The following MTPAP variants were observed in gnomAD, a reference collection of about 807,000 sequenced individuals.
The protein encoded by MTPAP is mitochondrial poly(A) polymerase.
In MTPAP, 23 loss-of-function variants were observed where a neutral mutation model predicts 48.7. The ratio of observed to expected loss-of-function variants is 0.47; its 90% CI spans 0.34 to 0.67. MTPAP has a LOEUF of 0.67. Ranked by LOEUF, MTPAP falls within the 30% of genes least tolerant of loss-of-function variation. The pLI, the probability that MTPAP is intolerant of heterozygous loss-of-function variation, is 0.01. For missense variants in MTPAP, 614 were observed against 694.3 expected, an observed-to-expected ratio of 0.88 and a Z score of 1.30; for synonymous variants, 257 against 254.1, an observed-to-expected ratio of 1.01 and a Z score of -0.11.
intron 1 of MTPAP, among the ~76,000 whole-genome samples, chr10:30,347,654 G>A (rs984482258): frequency 1.3e-5 from 2 of 152,230 alleles, no homozygotes; most frequent in Non-Finnish European, 2.9e-5. Flanking sequence ...CACTTTGGGA[G>A]GCCAAGGCAG....
intron 6 of MTPAP, 28 bp from the exon 7 acceptor site, chr10:30,316,238 G>A (rs367683233): frequency 9.1e-5 from 140 of 1,544,598 alleles, no homozygotes; most frequent in Non-Finnish European, 1.2e-4. Context: ...AATATTTCAC[G>A]TGTTTTTTTT....
At chr10:30,319,926 T>G (rs1279332761) in intron 6 of MTPAP, among the ~76,000 whole-genome samples, 1 of 152,204 alleles carries the variant, frequency 6.6e-6, no homozygotes, top group Non-Finnish European at 1.5e-5. Flanking sequence ...GTTTTGCCTG[T>G]TTTGATGCTA....
intron 5 of MTPAP, among the ~76,000 whole-genome samples, chr10:30,325,683 T>C (rs1383166403): frequency 6.6e-6 from 1 of 151,938 alleles, no homozygotes; most frequent in Non-Finnish European, 1.5e-5. Flanking sequence ...GAGGTGGAGG[T>C]TGCAGTGAGC....
chr10:30,338,182 T>A (rs536682326), intron 3 of MTPAP, among the ~76,000 whole-genome samples: 7 of 152,038 alleles, frequency 4.6e-5, no homozygotes, highest in Admixed American at 1.3e-4. Flanking sequence ...GTCACTTGAG[T>A]CCAGGAGTAT....
intron 8 of MTPAP, among the ~76,000 whole-genome samples, chr10:30,314,646 G>C (rs182683002): frequency 1.6e-4 from 24 of 152,084 alleles, no homozygotes; most frequent in Admixed American, 8.5e-4. Flanking sequence ...GCCGAGGCAG[G>C]TGGAACACCT....
chr10:30,322,727 T>C, intron 5 of MTPAP, 110 bp from the exon 6 acceptor site: 3 of 756,360 alleles, frequency 4.0e-6, no homozygotes, highest in Non-Finnish European at 4.5e-6. Flanking sequence ...TATCTGAATG[T>C]ATTCAGAACA....
At chr10:30,325,073 G>A (rs1048601927) in intron 5 of MTPAP, among the ~76,000 whole-genome samples, 6 of 151,108 alleles carry the variant, frequency 4.0e-5, no homozygotes, top group African/African-American at 4.9e-5. Flanking sequence ...TGAAAATGAA[G>A]CTAAATTAAG....
chr10:30,325,448 A>T (rs1362543489), intron 5 of MTPAP, among the ~76,000 whole-genome samples: 1 of 152,236 alleles, frequency 6.6e-6, no homozygotes, highest in African/African-American at 2.4e-5. Context: ...CTCAATTAAG[A>T]AATTTTCCCT....
Position 30,340,317 on chromosome 10 carries a change from T to C in MTPAP, c.464A>G (p.Asn155Ser). ...TACGCGTGACCGTTCAGAAGTCTGG[T>C]TTTTCAACTTCAGATTGAAGAAACG... is the stretch of plus-strand genomic sequence containing the variant. ...RSRFFNLKLK[N>S]QTSERSRVRS... is the part of the protein sequence containing the mutation. Residue 155 changes from asparagine to serine, a missense_variant, in exon 3 of 9, where the codon AAC becomes AGC. Asn to Ser is a conservative substitution (Grantham distance 46). Transcript: ENST00000263063. 3 of 1,614,098 alleles carry C rather than the reference T, an allele frequency of 1.9e-6. No homozygotes were observed. Among genetic ancestry groups the C allele is most frequent in the Middle Eastern group, 1.6e-4 (1 of 6,062 alleles).
chr10:30,348,921 A>T, intron 1 of MTPAP, 198 bp downstream of exon 1: 2 of 684,884 alleles, frequency 2.9e-6, no homozygotes, highest in Non-Finnish European at 4.9e-6. Flanking sequence ...AACAAACATC[A>T]CACATCTCAC....
chr10:30,342,554 A>AC (rs1834825070), intron 1 of MTPAP, among the ~76,000 whole-genome samples: 1 of 152,098 alleles, frequency 6.6e-6, no homozygotes, highest in African/African-American at 2.4e-5. Context: ...AAAAAAAAAA[A>AC]AAAAAACCAG....
At chr10:30,347,928 T>C (rs1834891206) in intron 1 of MTPAP, among the ~76,000 whole-genome samples, 1 of 151,150 alleles carries the variant, frequency 6.6e-6, no homozygotes, top group African/African-American at 2.4e-5. Flanking sequence ...TTTTTAATTT[T>C]TGCCACCGAA....
chr10:30,338,269 C>T (rs1277015503), intron 3 of MTPAP, among the ~76,000 whole-genome samples: 2 of 149,314 alleles, frequency 1.3e-5, no homozygotes, highest in African/African-American at 2.5e-5. Context: ...CAAAAAATAA[C>T]GTAACATAAC....
chr10:30,349,068 G>A, intron 1 of MTPAP, 51 bp downstream of exon 1: 2 of 1,613,102 alleles, frequency 1.2e-6, no homozygotes, highest in Non-Finnish European at 8.5e-7. Flanking sequence ...CGTGATCCCA[G>A]ACTCCTCGCC....
At chr10:30,339,870 T>C (rs995971772) in intron 3 of MTPAP, 1 of 261,552 alleles carries the variant, frequency 3.8e-6, no homozygotes, top group Non-Finnish European at 7.4e-6. Flanking sequence ...AAATCTACAG[T>C]GAATCTACAA....
At chr10:30,321,985 T>C (rs999840345) in intron 6 of MTPAP, among the ~76,000 whole-genome samples, 3 of 152,204 alleles carry the variant, frequency 2.0e-5, no homozygotes, top group Admixed American at 6.5e-5. Flanking sequence ...TTTAGAATCT[T>C]TGAAACATCA....
At chr10:30,327,166 C>A (rs1564520591) in intron 4 of MTPAP, among the ~76,000 whole-genome samples, 1 of 151,326 alleles carries the variant, frequency 6.6e-6, no homozygotes, top group African/African-American at 2.4e-5. Flanking sequence ...AAGTGGCCAT[C>A]AAAAAAAATA....
At chr10:30,343,534 G>A (rs574469408) in intron 1 of MTPAP, among the ~76,000 whole-genome samples, 1 of 151,826 alleles carries the variant, frequency 6.6e-6, no homozygotes, top group African/African-American at 2.4e-5. Context: ...GATGGATCAA[G>A]GAAATACTCC....
At position 30,313,908 on chromosome 10, in the gene MTPAP, G is replaced by C. The variant is rs964919501; in HGVS notation, c.1450C>G (p.Leu484Val). The change falls in exon 9 of 9, where the codon CTC becomes GTC. Residue 484 changes from leucine (L) to valine (V), a missense_variant. Leu to Val is a conservative substitution (Grantham distance 32, BLOSUM62 1). Around this residue, in one of 5 missense-constraint regions of MTPAP, gnomAD observed 261 missense variants for 355.4 expected, o/e 0.73. Coordinates refer to ENST00000263063, the MANE Select transcript of MTPAP (RefSeq NM_018109.4). ...LYIQNPFETS[L>V]NISKNVSQSQ... ...TGACTTACATTTTTGCTTATGTTGA[G>C]AGAAGTTTCAAATGGATTCTGAATG... 6.2e-7 allele frequency: 1 copy of C among 1,613,962 alleles called. No homozygotes were observed. Among genetic ancestry groups the C allele is most frequent in the Non-Finnish European group, 8.5e-7 (1 of 1,179,998 alleles).
Sources: gnomAD v4.1 joint callset for allele counts (sites outside exome capture counted in the v4.1 genomes callset) on GRCh38, gnomAD v4.1.1 for gene constraint, gnomAD v4.1.1 regional missense constraint, MANE v1.5 for transcripts, NCBI Gene and HGNC (gene_info 2026-07-23, HGNC 2026-07-21) for gene names.